Variants in SLC35F4 observed in about 807,000 individuals in gnomAD.
The protein encoded by SLC35F4 is chromosome 14 open reading frame 36.
Under a neutral mutation model 44.2 loss-of-function variants are expected in SLC35F4, and 24 were observed. The observed-to-expected ratio is 0.54, with a 90% CI of 0.39 to 0.76. The LOEUF (loss-of-function observed/expected upper bound fraction) is 0.76, where lower values mean the gene tolerates loss of function less well. Among genes scored for constraint, SLC35F4 ranks in the 30% least tolerant of loss-of-function variants. The pLI is 0.00. For synonymous variants in SLC35F4, 238 were observed against 223.6 expected (o/e 1.06, Z -0.57); for missense variants, 562 against 586.1 (o/e 0.96, Z 0.42).
In SLC35F4 at chr14:57,819,348, C is replaced by T. The variant is rs1882925404; in HGVS notation, c.103+46375G>A. ...GAAATTTTAAATATATAAATAGATA[C>T]ACAATGTTTAACAATAAGGAGAATC... On this transcript the variant is annotated intron_variant, in intron 1 of 7. Transcript: ENST00000556826. Among the ~76,000 whole-genome samples, 2 of 151,986 alleles carry T rather than the reference C, an allele frequency of 1.3e-5. 1 individual carries two copies. Among genetic ancestry groups the T allele is most frequent in the South Asian group, 4.1e-4 (2 of 4,828 alleles).
Position 57,564,321 on chromosome 14 carries a change from G to C in SLC35F4, c.1272C>G (p.Thr424=), listed in dbSNP as rs368665514. 16 of 1,611,698 alleles carry C rather than the reference G, an allele frequency of 9.9e-6. No homozygotes were observed. The highest frequency in any genetic ancestry group is 1.7e-5 in the Admixed American group (1 of 59,626). Residue 424 remains threonine (T), a synonymous_variant, in exon 8 of 8, where the codon ACC becomes ACG. Transcript: ENST00000556826. ...VIFNVVRLAA[T]IIICIGFLLM... ...GCAGAAACCCAATGCAGATGATGATGGTAGCAGCCAGGCGGACAACATTGA... is the reference window on the plus strand; with the variant it reads ...GCAGAAACCCAATGCAGATGATGATCGTAGCAGCCAGGCGGACAACATTGA...
chr14:57,643,307 T>C (rs895166384), intron 1 of SLC35F4, among the ~76,000 whole-genome samples: 2 of 152,066 alleles, frequency 1.3e-5, no homozygotes, highest in African/African-American at 4.8e-5. Flanking sequence ...CCAAGGACTC[T>C]TAACAATGAA....
intron 1 of SLC35F4, among the ~76,000 whole-genome samples, chr14:57,779,931 C>T (rs1357165265): frequency 6.6e-6 from 1 of 152,030 alleles, no homozygotes; most frequent in Non-Finnish European, 1.5e-5. Flanking sequence ...ATGGAATATA[C>T]CTCAAAATAA....
chr14:57,926,887 CCTGCGA>C (rs1239324141), intron 1 of SLC35F4, among the ~76,000 whole-genome samples: 1 of 152,110 alleles, frequency 6.6e-6, no homozygotes, highest in Non-Finnish European at 1.5e-5. Flanking sequence ...TGAAGTGGAG[CCTGCGA>C]TTCCAAAGCT....
At chr14:57,610,462 A>C (rs914579025) in intron 1 of SLC35F4, among the ~76,000 whole-genome samples, 1 of 152,200 alleles carries the variant, frequency 6.6e-6, no homozygotes, top group Non-Finnish European at 1.5e-5. Context: ...TCTGGACTCA[A>C]TAATGGTGAA....
intron 1 of SLC35F4, among the ~76,000 whole-genome samples, chr14:57,761,309 G>T (rs1002301250): frequency 6.6e-6 from 1 of 152,116 alleles, no homozygotes; most frequent in Non-Finnish European, 1.5e-5. Flanking sequence ...GTACATATCT[G>T]CAAGCGTTCT....
At chr14:57,959,594 A>C (rs1295387961) in intron 1 of SLC35F4, among the ~76,000 whole-genome samples, 1 of 152,196 alleles carries the variant, frequency 6.6e-6, no homozygotes, top group Non-Finnish European at 1.5e-5. Context: ...CCTAGCCATG[A>C]CAAATGTGAC....
intron 1 of SLC35F4, among the ~76,000 whole-genome samples, chr14:57,689,510 C>T (rs577742532): frequency 6.6e-6 from 1 of 152,210 alleles, no homozygotes; most frequent in East Asian, 1.9e-4. Context: ...GTCTCACTGT[C>T]CACCACCACC....
At chr14:57,682,901 T>C (rs949996190) in intron 1 of SLC35F4, among the ~76,000 whole-genome samples, 4 of 152,112 alleles carry the variant, frequency 2.6e-5, no homozygotes, top group Admixed American at 2.6e-4. Context: ...AGTGTTTTAG[T>C]TACAGATAAT....
intron 1 of SLC35F4, among the ~76,000 whole-genome samples, chr14:57,782,121 T>A (rs11849100): frequency 0.05 from 7,561 of 152,244 alleles, 632 homozygotes; most frequent in African/African-American, 0.17. Context: ...TACCTTTTAG[T>A]TATCAAGGAC....
At chr14:57,572,395 A>G (rs969898388) in intron 4 of SLC35F4, among the ~76,000 whole-genome samples, 12 of 152,122 alleles carry the variant, frequency 7.9e-5, no homozygotes, top group African/African-American at 2.4e-4. Flanking sequence ...TATTTCATCT[A>G]TTCTTTTTCC....
intron 1 of SLC35F4, among the ~76,000 whole-genome samples, chr14:57,770,533 T>C (rs1288467197): frequency 6.6e-6 from 1 of 152,076 alleles, no homozygotes; most frequent in Non-Finnish European, 1.5e-5. Context: ...TCAAGCATTG[T>C]GAGGAGTGGA....
At chr14:57,675,189 G>A (rs950242272) in intron 1 of SLC35F4, among the ~76,000 whole-genome samples, 1 of 152,002 alleles carries the variant, frequency 6.6e-6, no homozygotes, top group African/African-American at 2.4e-5. Context: ...TTATATAGAT[G>A]TATACATTTG....
At chr14:57,955,960 C>CA (rs1264690066) in intron 1 of SLC35F4, among the ~76,000 whole-genome samples, 1 of 151,798 alleles carries the variant, frequency 6.6e-6, no homozygotes, top group Non-Finnish European at 1.5e-5. Context: ...TCTATGGAAC[C>CA]AAAAAAGAGC....
intron 1 of SLC35F4, among the ~76,000 whole-genome samples, chr14:57,830,457 T>C (rs1884249931): frequency 6.6e-6 from 1 of 152,230 alleles, no homozygotes; most frequent in Admixed American, 6.5e-5. Context: ...ACTTAGAATA[T>C]GCCCCAAATA....
At chr14:57,774,217 C>T (rs1029313735) in intron 1 of SLC35F4, among the ~76,000 whole-genome samples, 1 of 152,070 alleles carries the variant, frequency 6.6e-6, no homozygotes, top group African/African-American at 2.4e-5. Context: ...GGGGAGGAAG[C>T]TGGAAACCCT....
Position 57,564,471 on chromosome 14 carries a change from A to G in SLC35F4, c.1217-95T>C, listed in dbSNP as rs897217484. 14 of 1,470,564 alleles carry G rather than the reference A, an allele frequency of 9.5e-6. No individual in the cohort carries two copies. In the African/African-American group the frequency reaches 1.1e-4, roughly 12 times the overall value. The allele number at this position is 1,470,564 out of a possible 1,614,324, so 91.1% of individuals were successfully genotyped here. On this transcript the variant is annotated intron_variant, in intron 7 of 7. Coordinates refer to ENST00000556826, the MANE Select transcript of SLC35F4 (RefSeq NM_001306087.2). ...TCCATGTTACTTCTAGAGATTTCCA[A>G]GAGTCTTCTTTATTCTTCCAAGTTA... is the stretch of plus-strand genomic sequence containing the variant.
At chr14:57,583,336 G>A (rs1330303886) in intron 3 of SLC35F4, among the ~76,000 whole-genome samples, 4 of 145,856 alleles carry the variant, frequency 2.7e-5, no homozygotes, top group East Asian at 2.1e-4. Context: ...GTTGAGAGTC[G>A]TGGGTTTATC....
intron 1 of SLC35F4, among the ~76,000 whole-genome samples, chr14:57,669,812 C>G (rs2074452346): frequency 6.6e-6 from 1 of 152,012 alleles, no homozygotes; most frequent in African/African-American, 2.4e-5. Context: ...GTGTCTCTGC[C>G]AGGCTTTGGT....
Sources: gnomAD v4.1 joint callset for allele counts (sites outside exome capture counted in the v4.1 genomes callset) on GRCh38, gnomAD v4.1.1 for gene constraint, MANE v1.5 for transcripts, NCBI Gene and HGNC (gene_info 2026-07-23, HGNC 2026-07-21) for gene names.